MAGI1: variants seen among roughly 807,000 people sequenced by gnomAD.
The protein encoded by MAGI1 is membrane-associated guanylate kinase, WW and PDZ domain-containing protein 1.
Under a neutral mutation model 139.9 loss-of-function variants are expected in MAGI1, and 58 were observed. The observed-to-expected ratio is 0.41, with a 90% confidence interval of 0.34 to 0.52. The LOEUF is 0.52. Ranked by LOEUF, MAGI1 falls within the 20% of genes least tolerant of loss-of-function variation. The probability of loss-of-function intolerance (pLI) is 0.12; values close to 1 mark genes in which losing one functional copy is unlikely to be tolerated. For missense variants in MAGI1, 1,874 were observed against 1,901.6 expected, an observed-to-expected ratio of 0.99 and a Z score of 0.27; for synonymous variants, 812 against 737.9, an observed-to-expected ratio of 1.10 and a Z score of -1.63.
At chr3:65,775,282 C>CA (rs2038283733) in intron 1 of MAGI1, among the ~76,000 whole-genome samples, 1 of 150,894 alleles carries the variant, frequency 6.6e-6, no homozygotes, top group East Asian at 2.0e-4. Context: ...CCCATCTCAA[C>CA]AAAAAAATAC....
At chr3:65,926,107 A>C (rs936114945) in intron 1 of MAGI1, among the ~76,000 whole-genome samples, 1 of 152,216 alleles carries the variant, frequency 6.6e-6, no homozygotes, top group African/African-American at 2.4e-5. Context: ...TAAAAGAAAA[A>C]TTCAAATCAA....
intron 1 of MAGI1, among the ~76,000 whole-genome samples, chr3:65,682,317 C>T (rs1259648165): frequency 6.6e-6 from 1 of 152,096 alleles, no homozygotes; most frequent in African/African-American, 2.4e-5. Context: ...AATTTTAAGG[C>T]TCATCATTTA....
intron 1 of MAGI1, among the ~76,000 whole-genome samples, chr3:65,669,070 G>A (rs553449324): frequency 1.3e-5 from 2 of 151,708 alleles, no homozygotes; most frequent in Non-Finnish European, 2.9e-5. Flanking sequence ...CTGAGTAGCT[G>A]GGATTACAGG....
intron 1 of MAGI1, among the ~76,000 whole-genome samples, chr3:65,659,462 A>G (rs1271480493): frequency 1.3e-5 from 2 of 152,098 alleles, no homozygotes; most frequent in Non-Finnish European, 2.9e-5. Flanking sequence ...AACATACTAA[A>G]CCACACACTC....
At chr3:65,690,910 A>C (rs1005560088) in intron 1 of MAGI1, among the ~76,000 whole-genome samples, 4 of 152,140 alleles carry the variant, frequency 2.6e-5, no homozygotes, top group Admixed American at 6.5e-5. Flanking sequence ...ATTCTGACCA[A>C]TATGCCCCAC....
At chr3:65,379,582 C>T (rs1942865580) in intron 16 of MAGI1, 28 bp from the exon 17 acceptor site, 15 of 1,583,274 alleles carry the variant, frequency 9.5e-6, no homozygotes, top group Non-Finnish European at 1.3e-5. Flanking sequence ...ACGCGTACAT[C>T]ACCGTGTCCT....
intron 1 of MAGI1, among the ~76,000 whole-genome samples, chr3:65,623,085 G>C (rs527515960): frequency 6.6e-6 from 1 of 152,130 alleles, no homozygotes; most frequent in Non-Finnish European, 1.5e-5. Flanking sequence ...GGTAATACGA[G>C]GAATCATATG....
chr3:65,797,156 G>T (rs912003453), intron 1 of MAGI1, among the ~76,000 whole-genome samples: 3 of 152,122 alleles, frequency 2.0e-5, no homozygotes, highest in Non-Finnish European at 4.4e-5. Context: ...AAAGTCCTCA[G>T]TCTCTGAGAT....
chr3:65,792,421 T>G, intron 1 of MAGI1, among the ~76,000 whole-genome samples: 1 of 152,170 alleles, frequency 6.6e-6, no homozygotes, highest in East Asian at 1.9e-4. Flanking sequence ...GCGAAGATCA[T>G]GCACTCCACC....
intron 3 of MAGI1, among the ~76,000 whole-genome samples, chr3:65,481,752 A>G (rs1162623730): frequency 6.6e-6 from 1 of 152,236 alleles, no homozygotes; most frequent in Non-Finnish European, 1.5e-5. Flanking sequence ...ATCTGCATTT[A>G]TGGCAGAAAT....
intron 1 of MAGI1, chr3:65,687,766 A>G: frequency 1.8e-6 from 1 of 561,136 alleles, no homozygotes; most frequent in Non-Finnish European, 3.6e-6. Flanking sequence ...AGTTTTGACC[A>G]TGCCTACCAT....
rs576135223 is a variant in MAGI1, at chr3:65,470,773, A to C, written c.758-289T>G. 1.1e-4 allele frequency among the ~76,000 whole-genome samples: 16 copies of C among 152,328 alleles called. 1 individual carries two copies. In the South Asian group the frequency reaches 2.5e-3, roughly 24 times the overall value. On this transcript the variant is annotated intron_variant, in intron 4 of 22. Transcript: ENST00000402939. ...CACAATCTTGGAAATGTCAAAGAAG[A>C]AACCAATTCATGACTCAAACTCTTA...
chr3:65,556,522 T>C (rs559254805), intron 2 of MAGI1, among the ~76,000 whole-genome samples: 113 of 152,320 alleles, frequency 7.4e-4, no homozygotes, highest in African/African-American at 2.7e-3. Flanking sequence ...TCCATCTCAT[T>C]ATAAAAGCTA....
chr3:65,405,743 C>T (rs959671349), intron 12 of MAGI1, among the ~76,000 whole-genome samples: 3 of 152,102 alleles, frequency 2.0e-5, no homozygotes, highest in Admixed American at 1.3e-4. Flanking sequence ...TACAGGTGCA[C>T]GTCACCATGC....
chr3:66,008,551 G>T (rs2067152950), intron 1 of MAGI1, among the ~76,000 whole-genome samples: 1 of 152,186 alleles, frequency 6.6e-6, no homozygotes, highest in Non-Finnish European at 1.5e-5. Context: ...CGCACATAAA[G>T]ATACAACTGA....
chr3:65,686,392 A>G (rs1443597082), intron 1 of MAGI1, among the ~76,000 whole-genome samples: 2 of 152,298 alleles, frequency 1.3e-5, no homozygotes, highest in Non-Finnish European at 2.9e-5. Flanking sequence ...CCTGGATTCA[A>G]GCGATTCTCC....
intron 1 of MAGI1, among the ~76,000 whole-genome samples, chr3:65,982,879 TTTTG>T (rs1003226228): frequency 3.5e-4 from 53 of 152,242 alleles, no homozygotes; most frequent in Middle Eastern, 3.4e-3. Flanking sequence ...AAATATATAT[TTTTG>T]TTTGTTTGTT....
chr3:65,535,958 C>T (rs1161383236), intron 2 of MAGI1, among the ~76,000 whole-genome samples: 1 of 152,170 alleles, frequency 6.6e-6, no homozygotes, highest in Non-Finnish European at 1.5e-5. Context: ...AATAAACACC[C>T]ACTTGGTGAG....
At chr3:65,474,280 A>G (rs1950730246) in intron 4 of MAGI1, among the ~76,000 whole-genome samples, 1 of 150,506 alleles carries the variant, frequency 6.6e-6, no homozygotes, top group Admixed American at 6.7e-5. Context: ...AACAAACAAA[A>G]CCTTTCATTT....
Sources: gnomAD v4.1 joint callset for allele counts (sites outside exome capture counted in the v4.1 genomes callset) on GRCh38, gnomAD v4.1.1 for gene constraint, MANE v1.5 for transcripts, NCBI Gene and HGNC (gene_info 2026-07-23, HGNC 2026-07-21) for gene names.